LINGO2: variants seen among roughly 807,000 people sequenced by gnomAD.
LINGO2 encodes leucine rich repeat and Ig domain containing 2.
LINGO2 carries 14 observed loss-of-function variants against 30.6 expected under a neutral mutation model. The ratio of observed to expected loss-of-function variants is 0.46; its 90% CI spans 0.30 to 0.72. LINGO2 has a LOEUF of 0.72. LINGO2 is among the 30% of genes least tolerant of loss of function. The pLI is 0.07. For synonymous variants in LINGO2, 317 were observed against 288.5 expected, an observed-to-expected ratio of 1.10 and a Z score of -1.00; for missense variants, 729 against 751.7, an observed-to-expected ratio of 0.97 and a Z score of 0.35.
At chr9:28,288,688 C>A (rs1823608693) in intron 4 of LINGO2, among the ~76,000 whole-genome samples, 1 of 152,000 alleles carries the variant, frequency 6.6e-6, no homozygotes, top group Non-Finnish European at 1.5e-5. Context: ...AAATATGCAG[C>A]CAGAAAGTAT....
intron 1 of LINGO2, among the ~76,000 whole-genome samples, chr9:28,608,433 A>G (rs996257314): frequency 1.3e-5 from 2 of 151,986 alleles, no homozygotes; most frequent in African/African-American, 2.4e-5. Flanking sequence ...TTCTCTTTCT[A>G]AAACTGTTTT....
chr9:28,411,946 A>T (rs1822780337), intron 2 of LINGO2, among the ~76,000 whole-genome samples: 1 of 152,076 alleles, frequency 6.6e-6, no homozygotes, highest in Admixed American at 6.6e-5. Context: ...TTTATTAAAA[A>T]TATTGATTTC....
the LINGO2 span, among the ~76,000 whole-genome samples, chr9:28,976,583 C>T: frequency 6.6e-6 from 1 of 152,084 alleles, no homozygotes; most frequent in Non-Finnish European, 1.5e-5. Flanking sequence ...TTAAGGTACA[C>T]TTTGTGACAA....
chr9:28,375,014 AC>A (rs1821064096), intron 2 of LINGO2, among the ~76,000 whole-genome samples: 1 of 151,612 alleles, frequency 6.6e-6, no homozygotes, highest in Non-Finnish European at 1.5e-5. Context: ...CTATTCTTGG[AC>A]CTTTTCTGGA....
chr9:29,189,836 C>G, the LINGO2 span, among the ~76,000 whole-genome samples: 1 of 151,896 alleles, frequency 6.6e-6, no homozygotes, highest in Non-Finnish European at 1.5e-5. Context: ...ACAGCGAAAC[C>G]CCGTCTCCAC....
chr9:29,198,647 TA>T, the LINGO2 span, among the ~76,000 whole-genome samples: 1 of 152,094 alleles, frequency 6.6e-6, no homozygotes, highest in Admixed American at 6.6e-5. Flanking sequence ...TACATTGAAT[TA>T]AAACACTGTA....
intron 1 of LINGO2, among the ~76,000 whole-genome samples, chr9:28,576,138 T>C (rs1455703080): frequency 1.5e-4 from 23 of 152,242 alleles, no homozygotes; most frequent in Admixed American, 1.4e-3. Context: ...AACACTTATA[T>C]TAGCCTACAT....
chr9:28,384,648 C>T (rs1821504257), intron 2 of LINGO2, among the ~76,000 whole-genome samples: 1 of 151,944 alleles, frequency 6.6e-6, no homozygotes, highest in African/African-American at 2.4e-5. Flanking sequence ...TGTGTTAGTG[C>T]TTTCTCTTTT....
chr9:28,626,890 G>A (rs766917261), intron 1 of LINGO2, among the ~76,000 whole-genome samples: 3 of 151,098 alleles, frequency 2.0e-5, no homozygotes, highest in Non-Finnish European at 4.4e-5. Flanking sequence ...AAAAAATATT[G>A]AGCATGTTTA....
chr9:27,987,270 A>G (rs541498556), intron 5 of LINGO2, among the ~76,000 whole-genome samples: 2 of 151,684 alleles, frequency 1.3e-5, no homozygotes, highest in African/African-American at 4.8e-5. Context: ...TGTAGTCAGG[A>G]TATTTCCCTC....
chr9:28,734,078 A>C, the LINGO2 span, among the ~76,000 whole-genome samples: 1,227 of 152,174 alleles, frequency 8.1e-3, 20 homozygotes, highest in African/African-American at 0.026. Context: ...CTCTCTCTAT[A>C]TATATATACC....
chr9:28,650,651 C>CA (rs571612323), intron 1 of LINGO2, among the ~76,000 whole-genome samples: 2 of 152,192 alleles, frequency 1.3e-5, no homozygotes, highest in Non-Finnish European at 2.9e-5. Flanking sequence ...ATTTCATTGA[C>CA]ATTTCCTCTT....
intron 1 of LINGO2, among the ~76,000 whole-genome samples, chr9:28,644,511 G>C (rs1827743206): frequency 1.3e-5 from 2 of 151,786 alleles, no homozygotes; most frequent in Non-Finnish European, 2.9e-5. Context: ...GTGGGAGGAT[G>C]GTTACTAGAG....
At chr9:28,500,350 A>G (rs7020627) in intron 1 of LINGO2, among the ~76,000 whole-genome samples, 3,260 of 152,280 alleles carry the variant, frequency 0.021, 103 homozygotes, top group East Asian at 0.1. Flanking sequence ...GTATTCCTCT[A>G]AAGGCAGAAA....
the LINGO2 span, among the ~76,000 whole-genome samples, chr9:28,792,657 T>C: frequency 1.3e-5 from 2 of 152,158 alleles, no homozygotes; most frequent in Non-Finnish European, 2.9e-5. Flanking sequence ...ACAATAATTC[T>C]TTAGTTGAAT....
At chr9:27,942,275 CTAAT>C in the LINGO2 span, 1 of 152,092 alleles carries the variant, frequency 6.6e-6, no homozygotes, top group East Asian at 1.9e-4. Context: ...TTGGGGATTA[CTAAT>C]TAATACAGTG....
chr9:28,754,791 G>A, the LINGO2 span, among the ~76,000 whole-genome samples: 6 of 151,426 alleles, frequency 4.0e-5, no homozygotes, highest in African/African-American at 9.7e-5. Flanking sequence ...CCACCACACC[G>A]GGCTAATTTT....
the LINGO2 span, among the ~76,000 whole-genome samples, chr9:28,924,246 A>G: frequency 6.6e-6 from 1 of 151,982 alleles, no homozygotes; most frequent in Admixed American, 6.6e-5. Context: ...TTTGAGACAG[A>G]GTCTCACTCT....
chr9:28,975,117 T>G, the LINGO2 span, among the ~76,000 whole-genome samples: 4 of 152,114 alleles, frequency 2.6e-5, no homozygotes, highest in African/African-American at 7.2e-5. Context: ...TACCGAAGAA[T>G]CACACCAAGG....
Sources: gnomAD v4.1 joint callset for allele counts (sites outside exome capture counted in the v4.1 genomes callset) on GRCh38, gnomAD v4.1.1 for gene constraint, MANE v1.5 for transcripts, NCBI Gene and HGNC (gene_info 2026-07-23, HGNC 2026-07-21) for gene names.